Variants in ZNF160 observed in about 807,000 individuals in gnomAD.
The protein encoded by ZNF160 is KRAB zinc finger protein KR18.
Under a neutral mutation model 13.1 loss-of-function variants are expected in ZNF160, and 9 were observed. That is an observed-to-expected ratio of 0.69 (90% CI 0.41 to 1.20). The LOEUF (loss-of-function observed/expected upper bound fraction) is 1.20. Among genes scored for constraint, ZNF160 ranks in the 50% most tolerant of loss-of-function variants. The pLI is 0.01. For synonymous variants in ZNF160, 293 were observed against 333.2 expected (o/e 0.88, Z 1.31); for missense variants, 838 against 988.0 (o/e 0.85, Z 2.04).
At chr19:53,097,236 G>A (rs369062098) in intron 1 of ZNF160, among the ~76,000 whole-genome samples, 102 of 131,562 alleles carry the variant, frequency 7.8e-4, no homozygotes, top group Middle Eastern at 3.6e-3. Flanking sequence ...CCTTTGGGCC[G>A]CAGGTCAGTG....
chr19:53,101,997 C>A (rs937405955), intron 1 of ZNF160, among the ~76,000 whole-genome samples: 1 of 152,080 alleles, frequency 6.6e-6, no homozygotes, highest in African/African-American at 2.4e-5. Flanking sequence ...CTATGTGTTC[C>A]TCTCCCCCAT....
At chr19:53,075,206 C>T (rs781529561) in intron 3 of ZNF160, 23 bp from the exon 4 acceptor site, 19 of 1,612,212 alleles carry the variant, frequency 1.2e-5, no homozygotes, top group Admixed American at 1.7e-5. Context: ...ACACATTTCA[C>T]CAAGTGGCTA....
chr19:53,074,138 A>G lies in ZNF160; in HGVS notation c.271+2T>C, dbSNP rs768004665. 1.1e-5 allele frequency: 17 copies of G among 1,613,412 alleles called. No individual in the cohort carries two copies. Among genetic ancestry groups the G allele is most frequent in the Admixed American group, 1.7e-5 (1 of 59,934 alleles). On this transcript the variant is annotated splice_donor_variant, in intron 5 of 5. Coordinates refer to ENST00000683776, the MANE Select transcript of ZNF160 (RefSeq NM_001322131.2). LOFTEE classifies it high-confidence loss of function. ...CTTCTCTCTGCCCATCTGAGCTCTT[A>G]CCTGTGACCACGCCTTTGACACATT...
intron 3 of ZNF160, among the ~76,000 whole-genome samples, chr19:53,078,155 G>A (rs1269750165): frequency 1.3e-5 from 2 of 151,504 alleles, no homozygotes; most frequent in Non-Finnish European, 2.9e-5. Flanking sequence ...CAGAAGAATC[G>A]CTTGGACCCA....
At chr19:53,080,602 G>A (rs1042856703) in intron 3 of ZNF160, among the ~76,000 whole-genome samples, 1 of 152,208 alleles carries the variant, frequency 6.6e-6, no homozygotes, top group Non-Finnish European at 1.5e-5. Context: ...AGCATTTCAT[G>A]CTCATGGGTT....
rs771887256 is a variant in ZNF160 at position 53,067,151 on chromosome 19, T to G, written c.*926A>C. 5.9e-5 allele frequency: 9 copies of G among 152,236 alleles called. No homozygotes were observed. The highest frequency in any genetic ancestry group is 6.5e-5 in the Admixed American group (1 of 15,282). The allele number at this position is 152,236 out of a possible 1,614,324, so 9.4% of individuals were successfully genotyped here. On this transcript the variant is annotated 3_prime_UTR_variant, in exon 6 of 6. Coordinates refer to ENST00000683776, the MANE Select transcript of ZNF160 (RefSeq NM_001322131.2). Reference sequence around the variant, plus strand: ...CTAAACAACAGGTATTGCTCTTTGATGCATAAGAGGGCGACCTTTTCCCCT... The same window carrying G: ...CTAAACAACAGGTATTGCTCTTTGAGGCATAAGAGGGCGACCTTTTCCCCT...
chr19:53,084,715 G>A (rs185914294), intron 3 of ZNF160, among the ~76,000 whole-genome samples: 5 of 152,184 alleles, frequency 3.3e-5, no homozygotes, highest in Admixed American at 1.3e-4. Context: ...CATTATCCCC[G>A]CATTTTCATA....
chr19:53,074,255 A>G lies in ZNF160; in HGVS notation c.156T>C (p.Phe52=). ...WNLVSLGLCH[F]DMNIISMLEE... ...CCAACATGGAGATAATATTCATATC[A>G]AAATGACACAGTCCTGTTTATAAAA... Residue 52 remains phenylalanine (F), a synonymous_variant, in exon 5 of 6, where the codon TTT becomes TTC. Transcript: ENST00000683776. 1 of 1,614,130 alleles carries G rather than the reference A, an allele frequency of 6.2e-7. No homozygotes were observed. The highest frequency in any genetic ancestry group is 8.5e-7 in the Non-Finnish European group (1 of 1,179,976).
At chr19:53,071,551 A>G (rs899489579) in intron 5 of ZNF160, among the ~76,000 whole-genome samples, 7 of 150,696 alleles carry the variant, frequency 4.6e-5, no homozygotes, top group African/African-American at 1.7e-4. Flanking sequence ...AAAAAAAAAA[A>G]AAAAAAAAGG....
intron 3 of ZNF160, among the ~76,000 whole-genome samples, chr19:53,080,193 G>A (rs1022519282): frequency 5.3e-5 from 8 of 151,350 alleles, no homozygotes; most frequent in African/African-American, 1.9e-4. Context: ...CTGCCTCCCC[G>A]GTTCAAGCAA....
intron 3 of ZNF160, among the ~76,000 whole-genome samples, chr19:53,081,820 T>C (rs1307858352): frequency 6.6e-6 from 1 of 152,198 alleles, no homozygotes; most frequent in Non-Finnish European, 1.5e-5. Flanking sequence ...CCTATATTCA[T>C]ATGTTTATTG....
chr19:53,081,379 T>C (rs1319323750), intron 3 of ZNF160, among the ~76,000 whole-genome samples: 6 of 152,178 alleles, frequency 3.9e-5, no homozygotes, highest in Middle Eastern at 6.8e-3. Flanking sequence ...GAATAACTAA[T>C]ATCCAGAATC....
chr19:53,079,396 A>G (rs1452233722), intron 3 of ZNF160, among the ~76,000 whole-genome samples: 1 of 151,792 alleles, frequency 6.6e-6, no homozygotes, highest in Non-Finnish European at 1.5e-5. Context: ...ACTAAATACA[A>G]AAATTTAGCC....
chr19:53,094,319 T>C (rs1002538586), intron 1 of ZNF160, among the ~76,000 whole-genome samples: 2 of 151,998 alleles, frequency 1.3e-5, no homozygotes, highest in Non-Finnish European at 2.9e-5. Flanking sequence ...GCCTGGCAAA[T>C]AGAAATGGAA....
At chr19:53,077,291 T>C (rs1380825987) in intron 3 of ZNF160, 1 of 152,228 alleles carries the variant, frequency 6.6e-6, no homozygotes, top group Non-Finnish European at 1.5e-5. Context: ...TCAGGATGAC[T>C]GTAGCATGTC....
In ZNF160 at chr19:53,075,062, G is replaced by C. The variant is rs866583891; in HGVS notation, c.137C>G (p.Ser46Cys). 5.0e-6 allele frequency: 8 copies of C among 1,613,986 alleles called. No individual in the cohort carries two copies. In the African/African-American group the frequency reaches 1.1e-4, roughly 22 times the overall value. Residue 46 changes from serine to cysteine, a missense_variant, in exon 4 of 6, where the codon TCT becomes TGT. By Grantham distance (112) the Ser-to-Cys change is moderately radical. Transcript: ENST00000683776. ...TGGAAGAAAGTCATCCTCACCCAGAGAAACAAGGTTCCAGTAGTTCTCCAA... is the reference window on the plus strand; with the variant it reads ...TGGAAGAAAGTCATCCTCACCCAGACAAACAAGGTTCCAGTAGTTCTCCAA... ...VMLENYWNLV[S>C]LGLCHFDMNI...
chr19:53,090,869 G>T (rs1007117551), intron 2 of ZNF160, among the ~76,000 whole-genome samples: 1 of 152,200 alleles, frequency 6.6e-6, no homozygotes, highest in South Asian at 2.1e-4. Flanking sequence ...CAAGGCACAG[G>T]GTGGGAAGTG....
At position 53,103,312 on chromosome 19, in the gene ZNF160, C is replaced by CGG. The variant is rs2085517683; in HGVS notation, c.-403_-402dup. On this transcript the variant is annotated 5_prime_UTR_variant, in exon 1 of 6. It introduces an in-frame stop codon into an upstream open reading frame of the 5' UTR. Transcript: ENST00000683776. ...GAGATTTTAAGTCCGTAGCGACCCC[C>CGG]GGGCATCGGGTGTGCGAATGGGGGA... 2.0e-5 allele frequency: 3 copies of CGG among 152,238 alleles called. No individual in the cohort carries two copies. The highest frequency in any genetic ancestry group is 2.9e-5 in the Non-Finnish European group (2 of 68,156). The allele number at this position is 152,238 out of a possible 1,614,324, so 9.4% of individuals were successfully genotyped here.
intron 3 of ZNF160, among the ~76,000 whole-genome samples, chr19:53,080,623 A>G (rs1343166025): frequency 3.9e-5 from 6 of 152,236 alleles, no homozygotes; most frequent in Non-Finnish European, 8.8e-5. Context: ...GAAAGAATCA[A>G]TATCAATGAA....
Sources: gnomAD v4.1 joint callset for allele counts (sites outside exome capture counted in the v4.1 genomes callset) on GRCh38, gnomAD v4.1.1 for gene constraint, MANE v1.5 for transcripts, NCBI Gene and HGNC (gene_info 2026-07-23, HGNC 2026-07-21) for gene names.